Variants in ZC3HAV1 observed in about 807,000 individuals in gnomAD.
ZC3HAV1 encodes the protein zinc finger CCCH-type containing, antiviral 1.
In ZC3HAV1, 41 loss-of-function variants were observed where a neutral mutation model predicts 86.6. That is an observed-to-expected ratio of 0.47 (90% CI 0.37 to 0.61). The LOEUF is 0.61. Among genes scored for constraint, ZC3HAV1 ranks in the 20% least tolerant of loss-of-function variants. The pLI is 0.00. For synonymous variants in ZC3HAV1, 421 were observed against 432.1 expected, an observed-to-expected ratio of 0.97 and a Z score of 0.32; for missense variants, 964 against 1,141.1, an observed-to-expected ratio of 0.84 and a Z score of 2.24.
intron 6 of ZC3HAV1, 87 bp downstream of exon 6, chr7:139,076,199 T>A (rs901165352): frequency 2.0e-5 from 31 of 1,564,370 alleles, no homozygotes; most frequent in Middle Eastern, 1.7e-4. Context: ...GGAAAAGTGT[T>A]TTTTTCTTTT....
chr7:139,060,513 T>G (rs977658298), intron 9 of ZC3HAV1: 14 of 994,596 alleles, frequency 1.4e-5, no homozygotes, highest in African/African-American at 1.8e-5. Context: ...TCATCCTCTA[T>G]AAATCGTGTA....
intron 1 of ZC3HAV1, among the ~76,000 whole-genome samples, chr7:139,101,696 C>CCATAG (rs765250521): frequency 3.8e-4 from 58 of 151,178 alleles, no homozygotes; most frequent in African/African-American, 1.4e-3. Flanking sequence ...TGCTGTTGAT[C>CCATAG]TATGACCTTA....
intron 6 of ZC3HAV1, among the ~76,000 whole-genome samples, chr7:139,076,016 A>G (rs998092298): frequency 6.6e-6 from 1 of 152,172 alleles, no homozygotes; most frequent in African/African-American, 2.4e-5. Context: ...CTAAACAAAT[A>G]ATCATGTCAC....
At chr7:139,064,201 C>G (rs189410962) in intron 8 of ZC3HAV1, among the ~76,000 whole-genome samples, 21 of 152,316 alleles carry the variant, frequency 1.4e-4, no homozygotes, top group Admixed American at 1.4e-3. Context: ...TCAGGGACCT[C>G]AGAAAGGCTC....
At chr7:139,053,311 T>G in intron 12 of ZC3HAV1, 140 bp downstream of exon 12, 81 of 1,006,878 alleles carry the variant, frequency 8.0e-5, no homozygotes, top group Non-Finnish European at 1.0e-4. Flanking sequence ...GATATTACCG[T>G]GAGCTTACTG....
At chr7:139,096,259 C>A (rs890035664) in intron 1 of ZC3HAV1, among the ~76,000 whole-genome samples, 1 of 152,118 alleles carries the variant, frequency 6.6e-6, no homozygotes, top group African/African-American at 2.4e-5. Context: ...GGTGATCCAC[C>A]CGTCTCAGCC....
intron 1 of ZC3HAV1, among the ~76,000 whole-genome samples, chr7:139,101,455 G>GAGA (rs1817761607): frequency 8.8e-6 from 1 of 113,504 alleles, no homozygotes. Flanking sequence ...CTGCCCTGCC[G>GAGA]CCCCGTCTGG....
In ZC3HAV1 at chr7:139,072,772, G is replaced by A. The variant is rs561074327; in HGVS notation, c.1872+1084C>T. Among the ~76,000 whole-genome samples, 70 of 152,318 alleles carry A rather than the reference G, an allele frequency of 4.6e-4. 1 individual carries two copies. In the South Asian group the frequency reaches 0.014, roughly 32 times the overall value. On this transcript the variant is annotated intron_variant, in intron 7 of 12. Transcript: ENST00000242351. ...ATAGTAGTGACTATCTGTACCAGAT[G>A]TGGTTTCACTGCTTGAGTGAATTAA...
At position 139,109,363 on chromosome 7, in the gene ZC3HAV1, G is replaced by C. The variant is rs1239776328; in HGVS notation, c.-32C>G. On this transcript the variant is annotated 5_prime_UTR_variant, in exon 1 of 13. Transcript: ENST00000242351. ...CTGGCTGTGCTGGCTCTGCCGCGGC[G>C]CGGGACTCGGTTCCGCGGAAATCGG... is the stretch of plus-strand genomic sequence containing the variant. 1.3e-6 allele frequency: 2 copies of C among 1,529,536 alleles called. No homozygotes were observed. The highest frequency in any genetic ancestry group is 4.7e-5 in the East Asian group (2 of 42,810). 94.7% of individuals were successfully genotyped at this position (1,529,536 alleles called of 1,614,324 possible).
Position 139,047,529 on chromosome 7 carries a change from G to A in ZC3HAV1, c.*65C>T, listed in dbSNP as rs1022994048. On this transcript the variant is annotated 3_prime_UTR_variant, in exon 13 of 13. Transcript: ENST00000242351. ...ATATAAAACTTTAACTCCTGTCTGCGGCAATTTAGTTCTGTAAAGGAACAG... is the reference window on the plus strand; with the variant it reads ...ATATAAAACTTTAACTCCTGTCTGCAGCAATTTAGTTCTGTAAAGGAACAG... 6 of 1,598,718 alleles carry A rather than the reference G, an allele frequency of 3.8e-6. No individual in the cohort carries two copies. In the African/African-American group the frequency reaches 4.0e-5, roughly 11 times the overall value.
intron 4 of ZC3HAV1, 127 bp downstream of exon 4, chr7:139,079,343 A>G (rs746525041): frequency 1.3e-5 from 20 of 1,575,900 alleles, no homozygotes; most frequent in Non-Finnish European, 1.6e-5. Flanking sequence ...CTTGACTGCC[A>G]TTGTTAAGCC....
intron 11 of ZC3HAV1, 72 bp downstream of exon 11, chr7:139,053,893 A>C (rs1816209239): frequency 6.5e-7 from 1 of 1,544,532 alleles, no homozygotes; most frequent in African/African-American, 1.4e-5. Context: ...AGTGAATATA[A>C]ATCTCAAAGG....
chr7:139,079,120 T>C (rs1268378221), intron 4 of ZC3HAV1: 5 of 1,536,182 alleles, frequency 3.3e-6, no homozygotes, highest in Non-Finnish European at 3.5e-6. Context: ...CAGAGCCTGT[T>C]GTCTTCCTTG....
intron 1 of ZC3HAV1, among the ~76,000 whole-genome samples, chr7:139,093,157 G>C (rs1230258230): frequency 6.6e-6 from 1 of 152,088 alleles, no homozygotes. Flanking sequence ...GATAAAATGA[G>C]AAATCAAAGG....
intron 1 of ZC3HAV1, among the ~76,000 whole-genome samples, chr7:139,097,234 G>A (rs1045293082): frequency 9.4e-5 from 14 of 148,900 alleles, no homozygotes; most frequent in Admixed American, 4.0e-4. Context: ...CCTCCTCTTC[G>A]GAACAGAATT....
In ZC3HAV1 at chr7:139,108,190, G is replaced by A. The variant is rs1208921101; in HGVS notation, c.308+834C>T. 6.6e-6 allele frequency among the ~76,000 whole-genome samples: 1 copy of A among 151,908 alleles called. No individual in the cohort carries two copies. The highest frequency in any genetic ancestry group is 6.6e-5 in the Admixed American group (1 of 15,258). On this transcript the variant is annotated intron_variant, in intron 1 of 12. Transcript: ENST00000242351. This position sits in a 1 kb window ranked among gnomAD's most constrained non-coding sequence, Gnocchi z 4.2. ...TAGATGTGCAGCTGTCCTCGAGGGA[G>A]CAAGCTCTCTTAGGGAGAAACTGGG...
intron 1 of ZC3HAV1, among the ~76,000 whole-genome samples, chr7:139,102,145 T>C (rs1817792665): frequency 1.3e-5 from 2 of 152,144 alleles, no homozygotes; most frequent in Non-Finnish European, 2.9e-5. Context: ...TTTACTTTGT[T>C]TTTTCAGAGG....
intron 12 of ZC3HAV1, 74 bp from the exon 13 acceptor site, chr7:139,047,927 C>T (rs969011510): frequency 2.1e-6 from 3 of 1,460,754 alleles, no homozygotes; most frequent in Non-Finnish European, 2.8e-6. Context: ...TTGTTATATA[C>T]AGTCAGATGG....
At chr7:139,053,336 C>T in intron 12 of ZC3HAV1, 115 bp downstream of exon 12, 8 of 1,279,448 alleles carry the variant, frequency 6.3e-6, no homozygotes, top group Non-Finnish European at 8.3e-6. Flanking sequence ...TCCAGGACCA[C>T]TAGAGCCTGG....
Sources: allele counts gnomAD v4.1 joint callset (sites outside exome capture counted in the v4.1 genomes callset), GRCh38; gene constraint gnomAD v4.1.1; non-coding constraint Gnocchi (gnomAD v3.1); transcripts MANE v1.5; gene names NCBI Gene and HGNC (gene_info 2026-07-23, HGNC 2026-07-21).